Variants in IL1RN observed in about 807,000 individuals in gnomAD.
IL1RN encodes the protein interleukin 1 receptor antagonist.
Under a neutral mutation model 13.7 loss-of-function variants are expected in IL1RN, and 10 were observed. That is an observed-to-expected ratio of 0.73 (90% CI 0.45 to 1.24). The LOEUF (loss-of-function observed/expected upper bound fraction) is 1.24. Ranked by LOEUF, IL1RN falls within the 50% of genes most tolerant of loss-of-function variation. The pLI, the probability that IL1RN is intolerant of heterozygous loss-of-function variation, is 0.00. For synonymous variants in IL1RN, 102 were observed against 82.7 expected (o/e 1.23, Z -1.27); for missense variants, 213 against 222.1 (o/e 0.96, Z 0.26).
chr2:113,117,204 C>T (rs1686614727), upstream of IL1RN, among the ~76,000 whole-genome samples: 1 of 152,246 alleles, frequency 6.6e-6, no homozygotes, highest in South Asian at 2.1e-4. Flanking sequence ...TGGACAATGT[C>T]ACGGCAGAGG....
intron 1 of IL1RN, among the ~76,000 whole-genome samples, chr2:113,111,942 A>T (rs986591268): frequency 2.0e-5 from 3 of 152,196 alleles, no homozygotes; most frequent in African/African-American, 7.2e-5. Context: ...CCTTGGCCCC[A>T]CCCCTGAAAC....
At chr2:113,105,155 G>A (rs528786077), upstream of IL1RN, among the ~76,000 whole-genome samples, 2 of 152,292 alleles carry the variant, frequency 1.3e-5, no homozygotes, top group South Asian at 4.1e-4. Context: ...GTGGGTAGAG[G>A]GAGAACATAT....
rs552598575 is a variant in IL1RN at position 113,121,407 on chromosome 2, C to T, written c.73+1279C>T. 2.0e-4 allele frequency: 191 copies of T among 963,768 alleles called. No homozygotes were observed. The African/African-American group carries it at 2.4e-3, about 12-fold the overall frequency. 59.7% of individuals were successfully genotyped at this position (963,768 alleles called of 1,614,324 possible). On this transcript the variant is annotated intron_variant, in intron 2 of 5. Coordinates refer to the IL1RN transcript ENST00000259206. ...AGGTAAGCAACACAGTTGTCCCCTT[C>T]CCCATGGTGTCTGTTCTTCTCCATT...
rs1343841649 is a variant in IL1RN, at chr2:113,133,159, C to T, written c.*288C>T. On this transcript the variant is annotated 3_prime_UTR_variant, in exon 4 of 4. Transcript: ENST00000409930. ...TGCATTCAGGATCAAACCCCGACCA[C>T]CTGCCCAACCTGCTCTCCTCTTGCC... is the stretch of plus-strand genomic sequence containing the variant. 4.1e-6 allele frequency: 2 copies of T among 482,046 alleles called. No individual in the cohort carries two copies. The highest frequency in any genetic ancestry group is 7.6e-6 in the Non-Finnish European group (2 of 261,682). The allele number at this position is 482,046 out of a possible 1,614,324, so 29.9% of individuals were successfully genotyped here. A position where few individuals can be genotyped will look rare whatever the true frequency, so the allele number is the denominator to read the frequency against.
chr2:113,109,014 T>A (rs1401506105), upstream of IL1RN, among the ~76,000 whole-genome samples: 1 of 151,752 alleles, frequency 6.6e-6, no homozygotes, highest in Non-Finnish European at 1.5e-5. Context: ...AGTATATAAC[T>A]TCTAAATCAA....
intron 1 of IL1RN, 151 bp downstream of exon 1, chr2:113,127,891 A>C: frequency 2.6e-6 from 2 of 754,908 alleles, no homozygotes; most frequent in South Asian, 3.0e-5. Flanking sequence ...AGGCTGTTAC[A>C]TGCATGGGCT....
chr2:113,100,311 G>T, the IL1RN span, among the ~76,000 whole-genome samples: 1 of 148,170 alleles, frequency 6.7e-6, no homozygotes, highest in Non-Finnish European at 1.5e-5. Flanking sequence ...GGGCGACAGA[G>T]CGAGACTCCG....
At chr2:113,117,286 A>G (rs1385708958), upstream of IL1RN, among the ~76,000 whole-genome samples, 2 of 152,196 alleles carry the variant, frequency 1.3e-5, no homozygotes, top group Admixed American at 6.5e-5. Flanking sequence ...GCTTCCACGT[A>G]GTGCTCAAAC....
At chr2:113,130,273 C>T (rs1266938356) in intron 2 of IL1RN, among the ~76,000 whole-genome samples, 1 of 152,238 alleles carries the variant, frequency 6.6e-6, no homozygotes, top group African/African-American at 2.4e-5. Flanking sequence ...ACCTTCCCAC[C>T]TTCCCTATGC....
chr2:113,111,241 C>T (rs1392265042), intron 1 of IL1RN: 1 of 152,164 alleles, frequency 6.6e-6, no homozygotes, highest in East Asian at 1.9e-4. Context: ...TCTGGGAAAA[C>T]TGAATCTCAA....
rs372736558 is a variant in IL1RN at position 113,127,646 on chromosome 2, C to T, written c.22C>T (p.Arg8Cys). 40 of 1,613,876 alleles carry T rather than the reference C, an allele frequency of 2.5e-5. No individual in the cohort carries two copies. In the Admixed American group the frequency reaches 3.0e-4, roughly 12 times the overall value. MEICRGL[R>C]SHLITLLLFL... is the part of the protein sequence containing the mutation. ...CAGAATGGAAATCTGCAGAGGCCTC[C>T]GCAGTCACCTAATCACTCTCCTCCT... Residue 8 changes from arginine (R) to cysteine (C), a missense_variant, in exon 1 of 4, where the codon CGC (arginine) becomes TGC (cysteine). Transcript: ENST00000409930.
chr2:113,132,783 C>T lies in IL1RN; in HGVS notation c.446C>T (p.Ala149Val), dbSNP rs374276440. ...TGCCCCGGTTGGTTCCTCTGCACAG[C>T]GATGGAAGCTGACCAGCCCGTCAGC... ...AACPGWFLCT[A>V]MEADQPVSLT... Residue 149 changes from alanine (A) to valine (V), a missense_variant, in exon 4 of 4, where the codon GCG becomes GTG. Coordinates refer to ENST00000409930, the MANE Select transcript of IL1RN (RefSeq NM_173842.3). The T allele has an allele frequency of 1.5e-5, 24 of 1,614,254 alleles. No homozygotes were observed. Among genetic ancestry groups the T allele is most frequent in the East Asian group, 1.1e-4 (5 of 44,880 alleles).
upstream of IL1RN, chr2:113,115,776 G>C (rs189315427): frequency 4.6e-5 from 7 of 152,322 alleles, no homozygotes; most frequent in East Asian, 1.2e-3. Context: ...GGCTTGCAAA[G>C]GAGAGTTCTG....
upstream of IL1RN, among the ~76,000 whole-genome samples, chr2:113,109,469 C>T (rs905257076): frequency 7.0e-6 from 1 of 143,880 alleles, no homozygotes; most frequent in Non-Finnish European, 1.5e-5. Flanking sequence ...TTAAAGATTA[C>T]AAAAAATGAA....
chr2:113,121,010 T>C (rs1426455664), intron 2 of IL1RN, among the ~76,000 whole-genome samples: 1 of 145,904 alleles, frequency 6.9e-6, no homozygotes, highest in Non-Finnish European at 1.5e-5. Flanking sequence ...TTCTTCTTCC[T>C]CCTCCTTCTC....
At chr2:113,116,178 C>G (rs2104429991), upstream of IL1RN, among the ~76,000 whole-genome samples, 1 of 152,294 alleles carries the variant, frequency 6.6e-6, no homozygotes, top group Middle Eastern at 3.4e-3. Context: ...CAGAGCCCAC[C>G]TTAATGTGTC....
chr2:113,117,109 G>T (rs1173141249), upstream of IL1RN, among the ~76,000 whole-genome samples: 2 of 152,238 alleles, frequency 1.3e-5, no homozygotes, highest in Non-Finnish European at 2.9e-5. Flanking sequence ...CTACAAGCAG[G>T]TTCGCTCCCA....
chr2:113,126,718 T>G (rs1230051220), upstream of IL1RN, among the ~76,000 whole-genome samples: 1 of 152,032 alleles, frequency 6.6e-6, no homozygotes, highest in Non-Finnish European at 1.5e-5. Context: ...TCCATCCATT[T>G]GTGAAGAAGA....
At chr2:113,132,319 A>AGG (rs1687200601) in intron 3 of IL1RN, among the ~76,000 whole-genome samples, 1 of 152,210 alleles carries the variant, frequency 6.6e-6, no homozygotes, top group Non-Finnish European at 1.5e-5. Flanking sequence ...GTGGTGGTGC[A>AGG]TGCCTGTAAT....
Sources: allele counts gnomAD v4.1 joint callset (sites outside exome capture counted in the v4.1 genomes callset), GRCh38; gene constraint gnomAD v4.1.1; transcripts MANE v1.5; gene names NCBI Gene and HGNC (gene_info 2026-07-23, HGNC 2026-07-21).